SPAG16: variants seen among roughly 807,000 people sequenced by gnomAD.
The protein encoded by SPAG16 is sperm associated antigen 16.
Under a neutral mutation model 80.4 loss-of-function variants are expected in SPAG16, and 86 were observed. The observed-to-expected ratio is 1.07, with a 90% confidence interval of 0.90 to 1.28. The LOEUF is 1.28. SPAG16 is among the 50% of genes most tolerant of loss of function. The pLI is 0.00. For synonymous variants in SPAG16, 294 were observed against 265.9 expected, an observed-to-expected ratio of 1.11 and a Z score of -1.03; for missense variants, 870 against 765.3, an observed-to-expected ratio of 1.14 and a Z score of -1.61.
intron 15 of SPAG16, among the ~76,000 whole-genome samples, chr2:214,332,395 C>A (rs1696983755): frequency 6.6e-6 from 1 of 152,216 alleles, no homozygotes; most frequent in Non-Finnish European, 1.5e-5. Flanking sequence ...CTGTTCCTGG[C>A]ACCACAGCTA....
chr2:213,944,466 T>C (rs1341978107), intron 12 of SPAG16, among the ~76,000 whole-genome samples: 1 of 152,226 alleles, frequency 6.6e-6, no homozygotes, highest in Non-Finnish European at 1.5e-5. Flanking sequence ...CACTTTATTT[T>C]GGAAGTACAT....
intron 10 of SPAG16, among the ~76,000 whole-genome samples, chr2:213,860,447 A>C (rs1401226084): frequency 7.9e-6 from 1 of 127,052 alleles, no homozygotes; most frequent in Non-Finnish European, 1.7e-5. Flanking sequence ...TTATAGATAT[A>C]TGTATATATA....
intron 13 of SPAG16, among the ~76,000 whole-genome samples, chr2:214,092,503 A>G (rs553920710): frequency 1.4e-5 from 2 of 140,480 alleles, no homozygotes; most frequent in East Asian, 4.3e-4. Context: ...GAATATATAT[A>G]TAAATATATA....
intron 13 of SPAG16, among the ~76,000 whole-genome samples, chr2:214,026,505 C>T (rs367771037): frequency 7.9e-5 from 12 of 151,412 alleles, no homozygotes; most frequent in South Asian, 2.1e-4. Context: ...TATGGACACA[C>T]GTATAAGGAT....
At chr2:213,287,020 C>T (rs1387210997) in intron 1 of SPAG16, among the ~76,000 whole-genome samples, 1 of 152,184 alleles carries the variant, frequency 6.6e-6, no homozygotes, top group Non-Finnish European at 1.5e-5. Flanking sequence ...TATTTCTCTT[C>T]TAAGGAACCC....
intron 13 of SPAG16, among the ~76,000 whole-genome samples, chr2:214,064,530 A>T (rs955135809): frequency 2.0e-5 from 3 of 152,082 alleles, no homozygotes; most frequent in African/African-American, 4.8e-5. Flanking sequence ...CTCCTTTTGT[A>T]TAGGGCTATC....
At chr2:213,961,327 G>A (rs1054681554) in intron 12 of SPAG16, among the ~76,000 whole-genome samples, 1 of 152,064 alleles carries the variant, frequency 6.6e-6, no homozygotes, top group Non-Finnish European at 1.5e-5. Flanking sequence ...CTACATACAA[G>A]ATCATGGAAT....
At chr2:213,929,362 A>G (rs2078646845) in intron 11 of SPAG16, among the ~76,000 whole-genome samples, 1 of 152,062 alleles carries the variant, frequency 6.6e-6, no homozygotes, top group Non-Finnish European at 1.5e-5. Context: ...ACCACTTGGA[A>G]GCCACTGCTT....
intron 14 of SPAG16, among the ~76,000 whole-genome samples, chr2:214,109,056 A>G (rs547492782): frequency 1.6e-4 from 25 of 152,232 alleles, no homozygotes; most frequent in African/African-American, 5.8e-4. Context: ...TGAAGCTGCA[A>G]GTTCAGTCTT....
At chr2:214,052,643 A>G (rs138697934) in intron 13 of SPAG16, among the ~76,000 whole-genome samples, 1 of 152,274 alleles carries the variant, frequency 6.6e-6, no homozygotes, top group East Asian at 1.9e-4. Context: ...CTCAATCAAG[A>G]AAAGCTATTT....
At chr2:213,649,117 GA>G (rs1471972251) in intron 10 of SPAG16, among the ~76,000 whole-genome samples, 4 of 151,928 alleles carry the variant, frequency 2.6e-5, no homozygotes, top group African/African-American at 9.7e-5. Context: ...TCCATACTGA[GA>G]AAAAAATAGT....
intron 12 of SPAG16, among the ~76,000 whole-genome samples, chr2:213,982,923 G>A (rs1434348665): frequency 6.6e-6 from 1 of 151,808 alleles, no homozygotes; most frequent in South Asian, 2.1e-4. Flanking sequence ...TTTAATAAAT[G>A]TTACAATTAC....
chr2:213,565,463 T>C (rs997362457), intron 10 of SPAG16, among the ~76,000 whole-genome samples: 3 of 152,200 alleles, frequency 2.0e-5, no homozygotes, highest in African/African-American at 7.2e-5. Context: ...TTATAAAGCA[T>C]GCGAGAGCTA....
At chr2:214,050,910 A>G (rs2049607691) in intron 13 of SPAG16, among the ~76,000 whole-genome samples, 1 of 152,198 alleles carries the variant, frequency 6.6e-6, no homozygotes, top group African/African-American at 2.4e-5. Flanking sequence ...TCCCTGGTAG[A>G]ACACTCTTGC....
At chr2:214,294,048 C>T (rs1444739382) in intron 15 of SPAG16, among the ~76,000 whole-genome samples, 1 of 152,240 alleles carries the variant, frequency 6.6e-6, no homozygotes, top group African/African-American at 2.4e-5. Context: ...GCACCATCAG[C>T]TCCAGGGCAG....
intron 10 of SPAG16, among the ~76,000 whole-genome samples, chr2:213,688,728 A>T (rs2064803782): frequency 6.6e-6 from 1 of 152,048 alleles, no homozygotes; most frequent in Admixed American, 6.6e-5. Flanking sequence ...CAGTTTATGG[A>T]TGCTCTGTTA....
chr2:214,288,074 C>T (rs865862298), intron 15 of SPAG16, among the ~76,000 whole-genome samples: 1 of 152,206 alleles, frequency 6.6e-6, no homozygotes, highest in East Asian at 1.9e-4. Flanking sequence ...TACCGCCCCC[C>T]CCAATCCCAC....
intron 9 of SPAG16, among the ~76,000 whole-genome samples, chr2:213,411,073 A>T (rs1199897839): frequency 6.6e-6 from 1 of 151,982 alleles, no homozygotes; most frequent in Non-Finnish European, 1.5e-5. Flanking sequence ...CCCCAAGCAG[A>T]TGTGTGGTGG....
intron 15 of SPAG16, among the ~76,000 whole-genome samples, chr2:214,394,210 TTCTC>T (rs757896990): frequency 1.4e-4 from 22 of 152,296 alleles, no homozygotes; most frequent in African/African-American, 2.6e-4. Context: ...GTGGCTTTTT[TTCTC>T]TCTCTCTTTC....
Sources: allele counts gnomAD v4.1 joint callset (sites outside exome capture counted in the v4.1 genomes callset), GRCh38; gene constraint gnomAD v4.1.1; transcripts MANE v1.5; gene names NCBI Gene and HGNC (gene_info 2026-07-23, HGNC 2026-07-21).